FRYL: variants seen among roughly 807,000 people sequenced by gnomAD.
The protein encoded by FRYL is protein furry homolog-like.
A neutral mutation model predicts 351.2 loss-of-function variants in FRYL; 150 were observed. That is an observed-to-expected ratio of 0.43 (90% confidence interval 0.37 to 0.49). The LOEUF (loss-of-function observed/expected upper bound fraction) is 0.49. Ranked by LOEUF, FRYL falls within the 20% of genes least tolerant of loss-of-function variation. The pLI, the probability that FRYL is intolerant of heterozygous loss-of-function variation, is 0.00. For synonymous variants in FRYL, 1,153 were observed against 1,257.1 expected (o/e 0.92, Z 1.75); for missense variants, 3,036 against 3,619.3 (o/e 0.84, Z 4.13).
At chr4:48,691,437 C>T (rs1184084002) in intron 2 of FRYL, among the ~76,000 whole-genome samples, 4 of 152,136 alleles carry the variant, frequency 2.6e-5, no homozygotes, top group African/African-American at 9.6e-5. Context: ...ATTCCACATA[C>T]ATTTTTACAA....
chr4:48,614,512 A>C (rs1407681443), intron 7 of FRYL, among the ~76,000 whole-genome samples: 1 of 152,074 alleles, frequency 6.6e-6, no homozygotes, highest in Non-Finnish European at 1.5e-5. Context: ...ACCTGAGGTC[A>C]GGAGTTCGTG....
intron 1 of FRYL, among the ~76,000 whole-genome samples, chr4:48,745,235 C>G (rs752874527): frequency 1.3e-5 from 2 of 152,110 alleles, no homozygotes; most frequent in Non-Finnish European, 2.9e-5. Flanking sequence ...CCATTTGACC[C>G]AGCAATCCCA....
chr4:48,667,790 G>C (rs905837379), intron 3 of FRYL, among the ~76,000 whole-genome samples: 2 of 152,070 alleles, frequency 1.3e-5, no homozygotes, highest in African/African-American at 2.4e-5. Flanking sequence ...TGGGATTACA[G>C]GTGCACACCA....
rs535939815 is a variant in FRYL, at chr4:48,702,071, A to G, written c.-204+8448T>C. 7.0e-4 allele frequency among the ~76,000 whole-genome samples: 107 copies of G among 152,304 alleles called. 1 individual carries two copies. The South Asian group carries it at 0.021, about 29-fold the overall frequency. ...ATTATACTTGAGACTTCCTTCTTTT[A>G]TAAGAAATTTGAATGACTGATCCAC... On this transcript the variant is annotated intron_variant, in intron 2 of 63. Transcript: ENST00000358350.
At chr4:48,652,585 T>C (rs1757944395) in intron 3 of FRYL, among the ~76,000 whole-genome samples, 2 of 152,068 alleles carry the variant, frequency 1.3e-5, no homozygotes, top group South Asian at 4.1e-4. Flanking sequence ...TACTTATAGA[T>C]AAAAAATAAA....
In FRYL at chr4:48,549,047, T is replaced by C. The variant is rs1260096167; in HGVS notation, c.4785-254A>G. 6.6e-6 allele frequency among the ~76,000 whole-genome samples: 1 copy of C among 152,210 alleles called. No individual in the cohort carries two copies. The highest frequency in any genetic ancestry group is 1.5e-5 in the Non-Finnish European group (1 of 68,036). On this transcript the variant is annotated intron_variant, in intron 39 of 63. Coordinates refer to ENST00000358350, the MANE Select transcript of FRYL (RefSeq NM_015030.2). The surrounding 1 kb of genome is among the most constrained non-coding windows in gnomAD (Gnocchi z 4.2). ...TTCTTCATCTTTCAACCTTGAGACT[T>C]AGCACACTGCTTGCCACAGTAGGTG...
intron 3 of FRYL, among the ~76,000 whole-genome samples, chr4:48,678,062 T>C (rs1284680230): frequency 6.6e-6 from 1 of 152,206 alleles, no homozygotes; most frequent in East Asian, 1.9e-4. Context: ...ACAATTTGTA[T>C]ATGCAATATA....
At chr4:48,697,864 A>C (rs1766348794) in intron 2 of FRYL, among the ~76,000 whole-genome samples, 1 of 152,160 alleles carries the variant, frequency 6.6e-6, no homozygotes, top group Non-Finnish European at 1.5e-5. Flanking sequence ...GGTAATGATG[A>C]GGATAGTACA....
Position 48,534,569 on chromosome 4 carries a change from T to C in FRYL, c.6681A>G (p.Ile2227Met), listed in dbSNP as rs748705894. ...APAKQFNLEIIKIIGKYVQSP... is the reference protein window; with the variant it reads ...APAKQFNLEIMKIIGKYVQSP... Reference sequence around the variant, plus strand: ...CCTGTACATATTTGCCAATAATCTTTATGATCTCCAGATTAAACTGCTTGG... The same window carrying C: ...CCTGTACATATTTGCCAATAATCTTCATGATCTCCAGATTAAACTGCTTGG... The change falls in exon 49 of 64, where the codon ATA becomes ATG. Residue 2227 changes from isoleucine to methionine, a missense_variant. Ile to Met is a conservative substitution (Grantham distance 10). Coordinates refer to ENST00000358350, the MANE Select transcript of FRYL (RefSeq NM_015030.2). 6.2e-6 allele frequency: 10 copies of C among 1,612,678 alleles called. No homozygotes were observed. The South Asian group carries it at 6.6e-5, about 11-fold the overall frequency.
intron 53 of FRYL, among the ~76,000 whole-genome samples, chr4:48,524,778 T>C (rs1028446491): frequency 2.0e-5 from 3 of 152,118 alleles, no homozygotes; most frequent in African/African-American, 7.2e-5. Flanking sequence ...TGAATGAACT[T>C]GAAAGCATTT....
intron 3 of FRYL, among the ~76,000 whole-genome samples, chr4:48,674,038 G>T (rs943434887): frequency 6.6e-6 from 1 of 152,074 alleles, no homozygotes; most frequent in African/African-American, 2.4e-5. Flanking sequence ...ATGTATCATT[G>T]TCTCTGTTCT....
intron 1 of FRYL, among the ~76,000 whole-genome samples, chr4:48,779,263 C>A (rs1776366780): frequency 6.6e-6 from 1 of 152,242 alleles, no homozygotes; most frequent in African/African-American, 2.4e-5. Context: ...GAGCTCAGCG[C>A]CCAGGCACCC....
chr4:48,693,592 T>C (rs35266840), intron 2 of FRYL, among the ~76,000 whole-genome samples: 2 of 151,748 alleles, frequency 1.3e-5, no homozygotes, highest in East Asian at 3.9e-4. Flanking sequence ...GCTTCAACCG[T>C]TGATACAACA....
intron 1 of FRYL, among the ~76,000 whole-genome samples, chr4:48,723,512 A>C (rs17472568): frequency 6.6e-6 from 1 of 152,078 alleles, no homozygotes; most frequent in African/African-American, 2.4e-5. Context: ...TTACTAAATA[A>C]TACCATCCTT....
At chr4:48,686,797 T>G (rs1445538211) in intron 2 of FRYL, among the ~76,000 whole-genome samples, 1 of 152,270 alleles carries the variant, frequency 6.6e-6, no homozygotes. Context: ...TTTATTCTTC[T>G]TGTAATCACA....
At chr4:48,620,580 C>T in intron 6 of FRYL, 59 bp downstream of exon 6, 1 of 1,505,378 alleles carries the variant, frequency 6.6e-7, no homozygotes, top group East Asian at 2.3e-5. Flanking sequence ...TTGATAATAT[C>T]ACCCCTTCAT....
rs768672538 is a variant in FRYL, at chr4:48,542,079, C to G, written c.5635G>C (p.Asp1879His). The change falls in exon 45 of 64, where the codon GAT (aspartate) becomes CAT (histidine). Residue 1879 changes from aspartate (D) to histidine (H), a missense_variant. Asp to His is a moderately conservative substitution (Grantham distance 81). This residue lies in a region of FRYL where 1,987 missense variants were observed against 2,311.7 expected (regional missense o/e 0.86). Transcript: ENST00000358350. Reference protein sequence around the residue: ...ELLLTLESAIDTLAETMKHYD... With the variant: ...ELLLTLESAIHTLAETMKHYD... Reference sequence around the variant, plus strand: ...TGCTTCATGGTTTCAGCCAAAGTATCAATTGCAGATTCCAATGTGAGAAGA... The same window carrying G: ...TGCTTCATGGTTTCAGCCAAAGTATGAATTGCAGATTCCAATGTGAGAAGA... 47 of 1,613,740 alleles carry G rather than the reference C, an allele frequency of 2.9e-5. 2 individuals are homozygous for G. In the South Asian group the frequency reaches 5.2e-4, roughly 18 times the overall value.
intron 19 of FRYL, among the ~76,000 whole-genome samples, chr4:48,584,920 G>GTT (rs1741773103): frequency 6.6e-6 from 1 of 152,216 alleles, no homozygotes; most frequent in African/African-American, 2.4e-5. Flanking sequence ...TTCCATTGAG[G>GTT]TAAATTATTA....
intron 4 of FRYL, among the ~76,000 whole-genome samples, chr4:48,633,535 T>G (rs774672093): frequency 6.6e-6 from 1 of 152,112 alleles, no homozygotes. Flanking sequence ...AAACGAAAAA[T>G]TATTTTATCC....
Sources: gnomAD v4.1 joint callset for allele counts (sites outside exome capture counted in the v4.1 genomes callset) on GRCh38, gnomAD v4.1.1 for gene constraint, gnomAD v4.1.1 regional missense constraint, Gnocchi (gnomAD v3.1) non-coding constraint, MANE v1.5 for transcripts, NCBI Gene and HGNC (gene_info 2026-07-23, HGNC 2026-07-21) for gene names.